Variants in KLHL4 observed in about 807,000 individuals in gnomAD.
The protein encoded by KLHL4 is kelch like family member 4.
A neutral mutation model predicts 45.8 loss-of-function variants in KLHL4; 17 were observed. The observed-to-expected ratio is 0.37, with a 90% CI of 0.25 to 0.56. The LOEUF is 0.56. KLHL4 is among the 20% of genes least tolerant of loss of function. The probability of loss-of-function intolerance (pLI) is 0.79; values close to 1 mark genes in which losing one functional copy is unlikely to be tolerated. For synonymous variants in KLHL4, 224 were observed against 189.9 expected (o/e 1.18, Z -1.47); for missense variants, 544 against 544.9 (o/e 1.00, Z 0.02).
intron 1 of KLHL4, among the ~76,000 whole-genome samples, chrX:87,564,288 A>G (rs1932163612): frequency 9.0e-6 from 1 of 111,008 alleles, no homozygotes; most frequent in African/African-American, 3.3e-5. Flanking sequence ...AAACAAGTTA[A>G]AAAGTGTGGA....
chrX:87,533,337 A>T (rs1271194150), intron 1 of KLHL4, among the ~76,000 whole-genome samples: 9 of 97,184 alleles, frequency 9.3e-5, no homozygotes, highest in Admixed American at 4.8e-4. Flanking sequence ...GGATTAAGAA[A>T]ATGTGGCACA....
intron 9 of KLHL4, among the ~76,000 whole-genome samples, chrX:87,658,679 T>C (rs1171814300): frequency 8.9e-6 from 1 of 111,741 alleles, no homozygotes; most frequent in Non-Finnish European, 1.9e-5. Context: ...CTGAGGTTTC[T>C]TTTGCTTTTA....
intron 1 of KLHL4, among the ~76,000 whole-genome samples, chrX:87,565,175 C>T (rs1431178848): frequency 9.0e-6 from 1 of 111,289 alleles, no homozygotes; most frequent in African/African-American, 3.3e-5. Flanking sequence ...TGATTAGATA[C>T]GATTTTATAT....
At chrX:87,659,113 C>CTTTTTTTTTTT (rs1178733729) in intron 9 of KLHL4, among the ~76,000 whole-genome samples, 1 of 45,101 alleles carries the variant, frequency 2.2e-5, no homozygotes, top group Non-Finnish European at 3.6e-5. Flanking sequence ...TCTTTTCTTT[C>CTTTTTTTTTTT]TTTTTTTTTT....
intron 9 of KLHL4, among the ~76,000 whole-genome samples, chrX:87,643,625 C>T (rs772516008): frequency 2.7e-5 from 3 of 111,276 alleles, no homozygotes; most frequent in Non-Finnish European, 5.7e-5. Context: ...GCACAATATC[C>T]ATGATGAACA....
At chrX:87,545,186 CAGAA>C (rs1931646743) in intron 1 of KLHL4, among the ~76,000 whole-genome samples, 1 of 112,201 alleles carries the variant, frequency 8.9e-6, no homozygotes, top group Non-Finnish European at 1.9e-5. Flanking sequence ...TATTTAGTAG[CAGAA>C]AGAAGCAGAA....
chrX:87,575,975 T>G (rs2147792304), intron 1 of KLHL4, among the ~76,000 whole-genome samples: 1 of 112,063 alleles, frequency 8.9e-6, no homozygotes, highest in East Asian at 2.8e-4. Context: ...TGTGAAACTT[T>G]ATAGTGTTGG....
intron 1 of KLHL4, among the ~76,000 whole-genome samples, chrX:87,551,960 A>G (rs755927368): frequency 2.4e-4 from 27 of 111,833 alleles, no homozygotes; most frequent in Middle Eastern, 4.2e-3. Context: ...AGAAGTTAAC[A>G]TAGGAAGAAC....
In KLHL4 at chrX:87,666,932, C is replaced by T; in HGVS notation, c.*398C>T. 4 of 688,528 alleles carry T rather than the reference C, an allele frequency of 5.8e-6. No individual in the cohort carries two copies. The highest frequency in any genetic ancestry group is 7.5e-5 in the South Asian group (1 of 13,375). The allele number at this position is 688,528 out of a possible 1,213,427, so 56.7% of individuals were successfully genotyped here. Reference sequence around the variant, plus strand: ...TTTCAGTTTTTTTTTAAAAAACGTACTCTTATTATCTGGAACATAGAAATA... The same window carrying T: ...TTTCAGTTTTTTTTTAAAAAACGTATTCTTATTATCTGGAACATAGAAATA... On this transcript the variant is annotated 3_prime_UTR_variant, in exon 11 of 11. Transcript: ENST00000373119.
At chrX:87,558,756 C>T (rs370943531) in intron 1 of KLHL4, among the ~76,000 whole-genome samples, 10 of 112,013 alleles carry the variant, frequency 8.9e-5, no homozygotes, top group African/African-American at 3.2e-4. Flanking sequence ...CAATTAGAAA[C>T]ATCCTTCCTT....
rs776734978 is a variant in KLHL4, at chrX:87,625,730, C to A, written c.1258C>A (p.Arg420=). The part of the protein sequence containing the change: ...PERRSMMQSP[R]TKPRKSTVGA... ...GAGAAGATCCATGATGCAAAGCCCT[C>A]GGACAAAGCCTAGAAAATCAACTGT... The change falls in exon 6 of 11, where the codon CGG becomes AGG. Residue 420 remains arginine, a synonymous_variant. Transcript: ENST00000373119. The A allele has an allele frequency of 3.0e-5, 36 of 1,207,145 alleles. No individual in the cohort carries two copies. The highest frequency in any genetic ancestry group is 3.8e-5 in the Non-Finnish European group (34 of 893,688).
At chrX:87,533,136 G>A (rs1352828568) in intron 1 of KLHL4, among the ~76,000 whole-genome samples, 2 of 109,515 alleles carry the variant, frequency 1.8e-5, no homozygotes, top group African/African-American at 3.3e-5. Flanking sequence ...CATTGTGGAA[G>A]TCAGTGTGGC....
chrX:87,638,732 G>A (rs187002566), intron 9 of KLHL4, among the ~76,000 whole-genome samples: 1 of 111,351 alleles, frequency 9.0e-6, no homozygotes, highest in Non-Finnish European at 1.9e-5. Context: ...CAGAAAAATA[G>A]AGTCTCCTTA....
At position 87,667,022 on chromosome X, in the gene KLHL4, A is replaced by T. The variant is rs1300733015; in HGVS notation, c.*488A>T. ...AGTAAGCCATTATTCTCCTATTCAA[A>T]TAATATCCCAAAGAGCTAAACAATT... is the stretch of plus-strand genomic sequence containing the variant. On this transcript the variant is annotated 3_prime_UTR_variant, in exon 11 of 11. Transcript: ENST00000373119. 1 of 731,810 alleles carries T rather than the reference A, an allele frequency of 1.4e-6. No individual in the cohort carries two copies. The highest frequency in any genetic ancestry group is 1.6e-6 in the Non-Finnish European group (1 of 620,263). 60.3% of individuals were successfully genotyped at this position (731,810 alleles called of 1,213,427 possible).
chrX:87,546,612 A>AT (rs1289536509), intron 1 of KLHL4, among the ~76,000 whole-genome samples: 1 of 112,015 alleles, frequency 8.9e-6, no homozygotes, highest in Non-Finnish European at 1.9e-5. Context: ...GAAGAGGGAC[A>AT]CAGTCCTCCA....
At chrX:87,524,266 C>A (rs1267650100) in intron 1 of KLHL4, among the ~76,000 whole-genome samples, 1 of 110,977 alleles carries the variant, frequency 9.0e-6, no homozygotes, top group East Asian at 2.8e-4. Context: ...TACATTCTCA[C>A]CAAAAAATAA....
chrX:87,576,363 T>C (rs1445509226), intron 1 of KLHL4, among the ~76,000 whole-genome samples: 1 of 111,755 alleles, frequency 8.9e-6, no homozygotes, highest in African/African-American at 3.2e-5. Context: ...GAAGACAGCT[T>C]TAAAAACACA....
rs766530245 is a variant in KLHL4 at position 87,650,588 on chromosome X, C to G, written c.1926-14176C>G. 2.7e-5 allele frequency among the ~76,000 whole-genome samples: 3 copies of G among 112,395 alleles called. No individual in the cohort carries two copies. The Admixed American group carries it at 2.8e-4, about 11-fold the overall frequency. ...GTGGTAAATGTGGTTCTTGTTCTTA[C>G]AGGAAATACTTTACATTAAGTATGA... On this transcript the variant is annotated intron_variant, in intron 9 of 10. Coordinates refer to ENST00000373119, the MANE Select transcript of KLHL4 (RefSeq NM_019117.5).
Position 87,668,047 on chromosome X carries a change from C to A in KLHL4, c.*1513C>A. 1 of 727,693 alleles carries A rather than the reference C, an allele frequency of 1.4e-6. No individual in the cohort carries two copies. Among genetic ancestry groups the A allele is most frequent in the Non-Finnish European group, 1.6e-6 (1 of 615,192 alleles). The allele number at this position is 727,693 out of a possible 1,213,427, so 60.0% of individuals were successfully genotyped here. On this transcript the variant is annotated 3_prime_UTR_variant, in exon 11 of 11. Coordinates refer to ENST00000373119, the MANE Select transcript of KLHL4 (RefSeq NM_019117.5). ...AAAATAAAATTCCACTCCTTTATTTCTTCTTACACCTGCCATTGTCTCTAA... is the reference window on the plus strand; with the variant it reads ...AAAATAAAATTCCACTCCTTTATTTATTCTTACACCTGCCATTGTCTCTAA...
Sources: allele counts gnomAD v4.1 joint callset (sites outside exome capture counted in the v4.1 genomes callset), GRCh38; gene constraint gnomAD v4.1.1; transcripts MANE v1.5; gene names NCBI Gene and HGNC (gene_info 2026-07-23, HGNC 2026-07-21).